Variants in LRRC37B observed in about 807,000 individuals in gnomAD.
The protein encoded by LRRC37B is leucine-rich repeat-containing protein 37B.
LRRC37B carries 28 observed loss-of-function variants against 98.3 expected under a neutral mutation model. The observed-to-expected ratio is 0.28, with a 90% CI of 0.21 to 0.39. The LOEUF (loss-of-function observed/expected upper bound fraction) is 0.39, where lower values mean the gene tolerates loss of function less well. Among genes scored for constraint, LRRC37B ranks in the 10% least tolerant of loss-of-function variants. The pLI, the probability that LRRC37B is intolerant of heterozygous loss-of-function variation, is 1.00. For missense variants in LRRC37B, 938 were observed against 1,182.7 expected, an observed-to-expected ratio of 0.79 and a Z score of 3.03; for synonymous variants, 364 against 442.7, an observed-to-expected ratio of 0.82 and a Z score of 2.23.
exon 1 of LRRC37B, chr17:32,022,720 C>T: frequency 1.2e-6 from 2 of 1,614,046 alleles, no homozygotes; most frequent in Middle Eastern, 1.7e-4. Flanking sequence ...GAGCTCTGCA[C>T]CTGCGGAGAT....
chr17:32,032,406 C>T (rs1911135954), intron 5 of LRRC37B, among the ~76,000 whole-genome samples: 1 of 152,234 alleles, frequency 6.6e-6, no homozygotes, highest in Non-Finnish European at 1.5e-5. Context: ...CATCGCTCTA[C>T]TTTAATTCCA....
intron 11 of LRRC37B, 82 bp from the exon 15 acceptor site, chr17:32,053,184 A>G: frequency 1.1e-6 from 1 of 932,570 alleles, no homozygotes; most frequent in Non-Finnish European, 1.7e-6. Flanking sequence ...ATGAGACTTA[A>G]AATGAATAAA....
rs1277452010 is a variant in LRRC37B at position 32,025,029 on chromosome 17, C to T, written c.1832+247C>T. 3.1e-4 allele frequency among the ~76,000 whole-genome samples: 11 copies of T among 35,230 alleles called. 1 individual carries two copies. Among genetic ancestry groups the T allele is most frequent in the South Asian group, 2.6e-3 (2 of 772 alleles). 23.1% of individuals were successfully genotyped at this position (35,230 alleles called of 152,430 possible). A position where few individuals can be genotyped will look rare whatever the true frequency, so the allele number is the denominator to read the frequency against. On this transcript the variant is annotated intron_variant, in intron 2 of 11. Coordinates refer to ENST00000327564, the Ensembl canonical transcript of LRRC37B. ...ACATGGTTATATTCTTTTTTTTCCT[C>T]GTTTTTTTTTTTTTTTTTTTTTTCA...
chr17:32,041,707 G>A (rs1382215854), intron 7 of LRRC37B: 2 of 457,768 alleles, frequency 4.4e-6, no homozygotes, highest in African/African-American at 4.0e-5. Flanking sequence ...GCTTATCTGG[G>A]TGGGTGGGGA....
At position 32,022,486 on chromosome 17, in the gene LRRC37B, C is replaced by T. The variant is rs748788623; in HGVS notation, c.1421C>T (p.Pro474Leu). The stretch of plus-strand genomic sequence containing the variant: ...ACGGAGGAAACCTCAGCTCAGCCTC[C>T]AGACCCGGGGCTTGCCATAACTCCA... Residue 474 changes from proline to leucine, a missense_variant, in exon 1 of 12, where the codon CCA becomes CTA. By Grantham distance (98) the Pro-to-Leu change is moderately conservative. Transcript: ENST00000327564. The T allele has an allele frequency of 2.3e-5, 37 of 1,613,116 alleles. No homozygotes were observed. Among genetic ancestry groups the T allele is most frequent in the Non-Finnish European group, 8.5e-6 (10 of 1,179,862 alleles).
chr17:32,034,256 C>T (rs1263436709), intron 5 of LRRC37B, among the ~76,000 whole-genome samples: 2 of 152,060 alleles, frequency 1.3e-5, no homozygotes, highest in African/African-American at 2.4e-5. Flanking sequence ...AATCCTAACA[C>T]TTTGGTAGGC....
intron 8 of LRRC37B, among the ~76,000 whole-genome samples, chr17:32,046,512 A>G (rs1252369807): frequency 6.6e-6 from 1 of 152,168 alleles, no homozygotes; most frequent in Non-Finnish European, 1.5e-5. Context: ...ACAGGTATCT[A>G]CCAGTGATAT....
chr17:32,053,232 T>C (rs747108093), intron 11 of LRRC37B, 34 bp from the exon 15 acceptor site: 6 of 1,497,858 alleles, frequency 4.0e-6, no homozygotes, highest in South Asian at 2.3e-5. Context: ...GTTGTTGTGA[T>C]AGATAACCTT....
At chr17:32,035,517 A>C in intron 6 of LRRC37B, 48 bp from the exon 10 acceptor site, 1 of 1,558,898 alleles carries the variant, frequency 6.4e-7, no homozygotes, top group Non-Finnish European at 8.8e-7. Context: ...TGAAGTACAG[A>C]ATTTTGTAAT....
At chr17:32,023,964 T>C (rs1270386691) in intron 1 of LRRC37B, among the ~76,000 whole-genome samples, 2 of 152,118 alleles carry the variant, frequency 1.3e-5, no homozygotes, top group South Asian at 2.1e-4. Flanking sequence ...GAAAGCTACA[T>C]GGATAAGCTA....
intron 7 of LRRC37B, among the ~76,000 whole-genome samples, chr17:32,039,559 C>CTA (rs1184050338): frequency 1.2e-5 from 1 of 85,022 alleles, no homozygotes; most frequent in African/African-American, 4.7e-5. Context: ...TATATATATT[C>CTA]TATATATATA....
Position 32,039,526 on chromosome 17 carries a change from ATGTATT to A in LRRC37B, c.2204+3889_2204+3894del, listed in dbSNP as rs1567617795. 3.8e-4 allele frequency among the ~76,000 whole-genome samples: 31 copies of A among 81,272 alleles called. 1 individual carries two copies. The highest frequency in any genetic ancestry group is 1.4e-3 in the African/African-American group (29 of 21,272). 53.3% of individuals were successfully genotyped at this position (81,272 alleles called of 152,430 possible). On this transcript the variant is annotated intron_variant, in intron 7 of 11. Coordinates refer to ENST00000327564, the Ensembl canonical transcript of LRRC37B. ...TATATATATATATATATATATATGT[ATGTATT>A]TTTATATATATTTCTATATATATAT...
intron 1 of LRRC37B, among the ~76,000 whole-genome samples, chr17:32,012,728 A>C (rs1406603623): frequency 1.3e-5 from 2 of 150,286 alleles, no homozygotes; most frequent in Non-Finnish European, 1.5e-5. Flanking sequence ...ATAAATACAT[A>C]CATACAGGCC....
intron 9 of LRRC37B, among the ~76,000 whole-genome samples, chr17:32,048,278 AC>A (rs1213283211): frequency 1.3e-5 from 2 of 150,894 alleles, no homozygotes; most frequent in South Asian, 2.1e-4. Flanking sequence ...AAAGCACAGC[AC>A]TAGGAAAGAA....
intron 1 of LRRC37B, among the ~76,000 whole-genome samples, chr17:32,015,141 C>T (rs1910624188): frequency 1.3e-5 from 2 of 152,018 alleles, no homozygotes; most frequent in Admixed American, 6.6e-5. Context: ...AAAAAGAAAG[C>T]ACCTGTAAAA....
chr17:32,023,905 G>A (rs1355278866), intron 1 of LRRC37B, among the ~76,000 whole-genome samples: 7 of 152,060 alleles, frequency 4.6e-5, no homozygotes, highest in Non-Finnish European at 1.0e-4. Context: ...GCATACCATC[G>A]GTGCTAGAAT....
At chr17:32,040,352 G>T (rs768105148) in intron 7 of LRRC37B, 29 of 389,730 alleles carry the variant, frequency 7.4e-5, no homozygotes, top group Middle Eastern at 1.6e-3. Flanking sequence ...ACGTGGTGGG[G>T]CCCCTGAGGC....
At chr17:32,034,026 G>GT (rs1320075145) in intron 5 of LRRC37B, 2 of 152,202 alleles carry the variant, frequency 1.3e-5, no homozygotes, top group African/African-American at 4.8e-5. Context: ...TACATGCAGT[G>GT]TAACGAAGGC....
intron 5 of LRRC37B, among the ~76,000 whole-genome samples, chr17:32,032,893 G>T (rs1911148259): frequency 6.6e-6 from 1 of 152,194 alleles, no homozygotes; most frequent in African/African-American, 2.4e-5. Context: ...GCCAGGAGCG[G>T]TGGCTCATGC....
Sources: gnomAD v4.1 joint callset for allele counts (sites outside exome capture counted in the v4.1 genomes callset) on GRCh38, gnomAD v4.1.1 for gene constraint, MANE v1.5 for transcripts, NCBI Gene and HGNC (gene_info 2026-07-23, HGNC 2026-07-21) for gene names.